The following CACNA1C variants were observed in gnomAD, a reference collection of about 807,000 sequenced individuals.
CACNA1C encodes calcium voltage-gated channel subunit alpha1 C, also known as voltage-dependent L-type calcium channel subunit alpha-1C.
CACNA1C carries 30 observed loss-of-function variants against 229.0 expected under a neutral mutation model. That is an observed-to-expected ratio of 0.13 (90% CI 0.10 to 0.18). The LOEUF (loss-of-function observed/expected upper bound fraction) is 0.18, where lower values mean the gene tolerates loss of function less well. CACNA1C is among the 10% of genes least tolerant of loss of function. The pLI, the probability that CACNA1C is intolerant of heterozygous loss-of-function variation, is 1.00. For synonymous variants in CACNA1C, 1,114 were observed against 1,132.5 expected (o/e 0.98, Z 0.33); for missense variants, 1,658 against 2,845.0 (o/e 0.58, Z 9.49).
At position 2,649,371 on chromosome 12, in the gene CACNA1C, C is replaced by T. The variant is rs759265763; in HGVS notation, c.3945+864C>T. On this transcript the variant is annotated intron_variant, in intron 31 of 46. Transcript: ENST00000399655. This position sits in a 1 kb window ranked among gnomAD's most constrained non-coding sequence, Gnocchi z 4.4. The stretch of plus-strand genomic sequence containing the variant: ...TGACCAAGCCACCAAGTCTGCAGGC[C>T]GAGGCAAGCTTGGGTGGGTTGATGT... 2.0e-5 allele frequency among the ~76,000 whole-genome samples: 3 copies of T among 152,172 alleles called. No individual in the cohort carries two copies. The highest frequency in any genetic ancestry group is 4.4e-5 in the Non-Finnish European group (3 of 68,030).
intron 5 of CACNA1C, among the ~76,000 whole-genome samples, chr12:2,458,875 T>A (rs1368887303): frequency 6.6e-6 from 1 of 152,168 alleles, no homozygotes; most frequent in East Asian, 1.9e-4. Flanking sequence ...AAGACTAGAA[T>A]CATGTCTCCT....
intron 1 of CACNA1C, among the ~76,000 whole-genome samples, chr12:2,114,356 ACAGT>A (rs1009270258): frequency 8.5e-5 from 13 of 152,112 alleles, no homozygotes; most frequent in African/African-American, 2.4e-4. Context: ...CCATCCAGAG[ACAGT>A]CAGGGGGATG....
chr12:1,982,542 T>TATA (rs1555204819), intron 1 of CACNA1C, among the ~76,000 whole-genome samples: 26 of 151,880 alleles, frequency 1.7e-4, no homozygotes, highest in African/African-American at 5.8e-4. Flanking sequence ...GTACTATATA[T>TATA]ATAATTTTAT....
chr12:2,270,373 A>G (rs1224091873), intron 3 of CACNA1C, among the ~76,000 whole-genome samples: 1 of 152,158 alleles, frequency 6.6e-6, no homozygotes, highest in African/African-American at 2.4e-5. Flanking sequence ...TGATTCTTTT[A>G]TGAGCAGTTG....
rs373623179 is a variant in CACNA1C, at chr12:2,512,104, A to G, written c.1218-708A>G. On this transcript the variant is annotated intron_variant, in intron 8 of 46. Transcript: ENST00000399655. This position sits in a 1 kb window ranked among gnomAD's most constrained non-coding sequence, Gnocchi z 4.3. ...GGCAGGTTGAGCTCGTCATAAGAAT[A>G]GAGATTGAGGACATTAAATCTCCTG... Among the ~76,000 whole-genome samples the G allele has an allele frequency of 5.4e-4, 83 of 152,338 alleles. No individual in the cohort carries two copies. In the South Asian group the frequency reaches 0.016, roughly 30 times the overall value.
At chr12:2,454,845 G>C (rs1375909930) in intron 4 of CACNA1C, among the ~76,000 whole-genome samples, 1 of 152,158 alleles carries the variant, frequency 6.6e-6, no homozygotes, top group African/African-American at 2.4e-5. Context: ...TCGTTCCCCA[G>C]TTCCCTTAGA....
intron 1 of CACNA1C, among the ~76,000 whole-genome samples, chr12:2,056,186 AGTGTGTGTGAGTGTGTGTGTGTGTGT>A (rs1437583309): frequency 1.9e-5 from 2 of 103,480 alleles, no homozygotes; most frequent in African/African-American, 8.1e-5. Flanking sequence ...TGCATGTGTG[AGTGTGTGTGAGTGTGTGTGTGTGTGT>A]GTGTGTGTGT....
chr12:2,044,897 T>C (rs2050797313), intron 1 of CACNA1C, among the ~76,000 whole-genome samples: 1 of 152,194 alleles, frequency 6.6e-6, no homozygotes, highest in South Asian at 2.1e-4. Flanking sequence ...TGGAAATTAA[T>C]GTGTGGAATT....
chr12:2,246,711 C>T (rs2073428900), intron 3 of CACNA1C, among the ~76,000 whole-genome samples: 2 of 152,180 alleles, frequency 1.3e-5, no homozygotes, highest in South Asian at 4.1e-4. Context: ...TACGCTCTGT[C>T]CTAACCTGTT....
intron 3 of CACNA1C, among the ~76,000 whole-genome samples, chr12:2,247,388 T>G (rs79446827): frequency 0.068 from 10,320 of 152,246 alleles, 503 homozygotes; most frequent in African/African-American, 0.13. Context: ...TCCGGGTGGG[T>G]TTTAATTAGC....
intron 2 of CACNA1C, among the ~76,000 whole-genome samples, chr12:2,118,422 A>T (rs1249244720): frequency 6.6e-6 from 1 of 152,226 alleles, no homozygotes; most frequent in Admixed American, 6.5e-5. Context: ...GAGGGCTAAA[A>T]GAACTGCCTA....
rs181858131 is a variant in CACNA1C, at chr12:2,310,724, G to A, written c.478-138252G>A. 1.9e-3 allele frequency among the ~76,000 whole-genome samples: 285 copies of A among 152,316 alleles called. 1 individual carries two copies. Among genetic ancestry groups the A allele is most frequent in the Middle Eastern group, 6.8e-3 (2 of 294 alleles). ...TCGACTCACAGGGTTCTTTCATTCT[G>A]TGGGCACCAGTTCTCTGGGCATGAG... On this transcript the variant is annotated intron_variant, in intron 3 of 46. Transcript: ENST00000399655.
At chr12:2,114,074 C>T (rs1345120635) in intron 1 of CACNA1C, among the ~76,000 whole-genome samples, 1 of 152,248 alleles carries the variant, frequency 6.6e-6, no homozygotes, top group Non-Finnish European at 1.5e-5. Context: ...CTCACAACAG[C>T]AGACACCCTG....
chr12:2,055,516 T>A (rs896957299), intron 1 of CACNA1C, among the ~76,000 whole-genome samples: 1 of 152,210 alleles, frequency 6.6e-6, no homozygotes, highest in Non-Finnish European at 1.5e-5. Flanking sequence ...ATTTCCTTAC[T>A]CTGGTTGTTT....
At chr12:2,347,318 T>G (rs538594962) in intron 3 of CACNA1C, among the ~76,000 whole-genome samples, 11 of 152,358 alleles carry the variant, frequency 7.2e-5, no homozygotes, top group Admixed American at 5.9e-4. Context: ...TTCCCGATCA[T>G]ACGGTTTACA....
At chr12:2,360,707 T>G (rs750172076) in intron 3 of CACNA1C, among the ~76,000 whole-genome samples, 2 of 152,254 alleles carry the variant, frequency 1.3e-5, no homozygotes, top group African/African-American at 2.4e-5. Context: ...ACACCCGGAC[T>G]GGACAGTCTC....
At chr12:2,494,007 A>G (rs941036025) in intron 7 of CACNA1C, among the ~76,000 whole-genome samples, 1 of 150,646 alleles carries the variant, frequency 6.6e-6, no homozygotes, top group East Asian at 2.0e-4. Flanking sequence ...TTAGAAATAC[A>G]CTTTTTTTTT....
At chr12:2,313,194 T>C (rs982802509) in intron 3 of CACNA1C, among the ~76,000 whole-genome samples, 1 of 152,188 alleles carries the variant, frequency 6.6e-6, no homozygotes. Context: ...CAAGGATTGA[T>C]GGAGAGTGTG....
chr12:2,342,180 A>G (rs2096885270), intron 3 of CACNA1C, among the ~76,000 whole-genome samples: 2 of 152,198 alleles, frequency 1.3e-5, no homozygotes, highest in African/African-American at 4.8e-5. Context: ...GACAGATTGC[A>G]GTATGATTGT....
Sources: gnomAD v4.1 joint callset for allele counts (sites outside exome capture counted in the v4.1 genomes callset) on GRCh38, gnomAD v4.1.1 for gene constraint, Gnocchi (gnomAD v3.1) non-coding constraint, MANE v1.5 for transcripts, NCBI Gene and HGNC (gene_info 2026-07-23, HGNC 2026-07-21) for gene names.